Variants in NR3C1 observed in about 807,000 individuals in gnomAD.
The protein encoded by NR3C1 is nuclear receptor subfamily 3 group C member 1, also known as glucocorticoid receptor.
A neutral mutation model predicts 74.0 loss-of-function variants in NR3C1; 14 were observed. That is an observed-to-expected ratio of 0.19 (90% CI 0.12 to 0.30). The LOEUF is 0.30. NR3C1 is among the 10% of genes least tolerant of loss of function. The probability of loss-of-function intolerance (pLI) is 1.00; values close to 1 mark genes in which losing one functional copy is unlikely to be tolerated. For missense variants in NR3C1, 695 were observed against 909.8 expected (o/e 0.76, Z 3.04); for synonymous variants, 308 against 332.5 (o/e 0.93, Z 0.80).
At chr5:143,359,131 T>C (rs886401500) in intron 2 of NR3C1, among the ~76,000 whole-genome samples, 2 of 152,146 alleles carry the variant, frequency 1.3e-5, no homozygotes, top group African/African-American at 2.4e-5. Flanking sequence ...TTTAAACAGT[T>C]TGAAAGCCAC....
intron 1 of NR3C1, among the ~76,000 whole-genome samples, chr5:143,412,683 GT>G (rs1299448395): frequency 1.3e-5 from 2 of 151,992 alleles, no homozygotes; most frequent in Non-Finnish European, 2.9e-5. Flanking sequence ...CACATTACAG[GT>G]TTTTTTGTTT....
In NR3C1 at chr5:143,400,846, A is replaced by T. The variant is rs1840137040; in HGVS notation, c.-7T>A. On this transcript the variant is annotated 5_prime_UTR_variant, in exon 2 of 9. Transcript: ENST00000394464. The stretch of plus-strand genomic sequence containing the variant: ...ATGATTCTTTGGAGTCCATCAGTGA[A>T]TATCAACTACAAAACAAAAAACAAA... 1.2e-6 allele frequency: 2 copies of T among 1,612,582 alleles called. No homozygotes were observed. The highest frequency in any genetic ancestry group is 4.5e-5 in the East Asian group (2 of 44,888).
At chr5:143,404,477 G>C (rs1272837134), upstream of NR3C1, 60 of 985,004 alleles carry the variant, frequency 6.1e-5, no homozygotes, top group South Asian at 4.7e-5. Flanking sequence ...CACTGGGAGA[G>C]AAGTTGCAAA....
chr5:143,357,636 C>T (rs1831402715), intron 2 of NR3C1, among the ~76,000 whole-genome samples: 1 of 152,162 alleles, frequency 6.6e-6, no homozygotes, highest in Non-Finnish European at 1.5e-5. Flanking sequence ...CCTAGAGCCA[C>T]GTAGATTCCT....
chr5:143,417,765 C>T (rs765222424), intron 1 of NR3C1, among the ~76,000 whole-genome samples: 1 of 152,094 alleles, frequency 6.6e-6, no homozygotes, highest in Non-Finnish European at 1.5e-5. Context: ...GAAGGGAGCA[C>T]CTGTCCAATA....
chr5:143,387,648 A>G (rs1336957333), intron 2 of NR3C1, among the ~76,000 whole-genome samples: 1 of 152,004 alleles, frequency 6.6e-6, no homozygotes, highest in Non-Finnish European at 1.5e-5. Context: ...TATGGCTAAC[A>G]CCTACTTAAC....
At chr5:143,361,826 T>C (rs928004293) in intron 2 of NR3C1, among the ~76,000 whole-genome samples, 1 of 152,192 alleles carries the variant, frequency 6.6e-6, no homozygotes, top group African/African-American at 2.4e-5. Context: ...CTTATGACAA[T>C]TGAGGACCAC....
At chr5:143,422,268 C>A (rs539476452) in intron 1 of NR3C1, among the ~76,000 whole-genome samples, 1 of 152,168 alleles carries the variant, frequency 6.6e-6, no homozygotes, top group Non-Finnish European at 1.5e-5. Flanking sequence ...TGCCTCCCAA[C>A]GATCATCCCA....
chr5:143,314,152 C>T lies in NR3C1; in HGVS notation c.1201G>A (p.Asp401Asn). 1 of 1,613,682 alleles carries T rather than the reference C, an allele frequency of 6.2e-7. No homozygotes were observed. The highest frequency in any genetic ancestry group is 1.1e-5 in the South Asian group (1 of 91,046). ...NGYSSPSMRP[D>N]VSSPPSSSST... ...GAGCTGGATGGAGGAGAGCTTACAT[C>T]TGGTCTCATGCTGGGGCTAAAGAAG... Residue 401 changes from aspartate (D) to asparagine (N), a missense_variant, in exon 3 of 9, where the codon GAT (aspartate) becomes AAT (asparagine). By Grantham distance (23) the Asp-to-Asn change is conservative. Transcript: ENST00000394464.
At chr5:143,425,982 C>G (rs1396306434) in intron 1 of NR3C1, among the ~76,000 whole-genome samples, 1 of 152,144 alleles carries the variant, frequency 6.6e-6, no homozygotes, top group Non-Finnish European at 1.5e-5. Context: ...GTGATCAGCT[C>G]ATGAGTGGAT....
rs748758160 is a variant in NR3C1 at position 143,434,531 on chromosome 5, C to T, written c.-14+1G>A. The T allele has an allele frequency of 1.0e-6, 1 of 985,292 alleles. No individual in the cohort carries two copies. Among genetic ancestry groups the T allele is most frequent in the Non-Finnish European group, 1.2e-6 (1 of 829,806 alleles). The allele number at this position is 985,292 out of a possible 1,614,324, so 61.0% of individuals were successfully genotyped here. A position where few individuals can be genotyped will look rare whatever the true frequency, so the allele number is the denominator to read the frequency against. On this transcript the variant is annotated splice_donor_variant, in intron 1 of 8. Transcript: ENST00000343796. LOFTEE classifies it low-confidence loss of function (5UTR_SPLICE). Reference sequence around the variant, plus strand: ...AGAATGGGAATAAAAATATAACCTACCTTCCTTCTCAGACACTTTAATGAA... The same window carrying T: ...AGAATGGGAATAAAAATATAACCTATCTTCCTTCTCAGACACTTTAATGAA...
chr5:143,281,613 T>G lies in NR3C1; in HGVS notation c.*276A>C. On this transcript the variant is annotated 3_prime_UTR_variant, in exon 9 of 9. Transcript: ENST00000394464. ...TGCCATCCTTCTTTGACTGTGGAGA[T>G]TACGTCCACATATTAAGGTTTCTAA... is the stretch of plus-strand genomic sequence containing the variant. The G allele has an allele frequency of 2.7e-6, 1 of 375,742 alleles. No homozygotes were observed. The allele number at this position is 375,742 out of a possible 1,614,324, so 23.3% of individuals were successfully genotyped here. A position where few individuals can be genotyped will look rare whatever the true frequency, so the allele number is the denominator to read the frequency against.
intron 6 of NR3C1, among the ~76,000 whole-genome samples, chr5:143,296,145 A>G (rs530798649): frequency 2.0e-5 from 3 of 152,326 alleles, no homozygotes; most frequent in Non-Finnish European, 2.9e-5. Flanking sequence ...TACTAAACCA[A>G]TTCTTGCTTA....
intron 7 of NR3C1, among the ~76,000 whole-genome samples, chr5:143,284,075 CTTA>C (rs977400430): frequency 2.0e-5 from 3 of 152,104 alleles, no homozygotes; most frequent in Non-Finnish European, 2.9e-5. Context: ...TTCTAGAAGT[CTTA>C]TTATTATTAT....
At position 143,314,139 on chromosome 5, in the gene NR3C1, G is replaced by A; in HGVS notation, c.1214C>T (p.Pro405Leu). Residue 405 changes from proline to leucine, a missense_variant, in exon 3 of 9, where the codon CCT (proline) becomes CTT (leucine). Around this residue, in one of 4 missense-constraint regions of NR3C1, gnomAD observed 497 missense variants for 489.5 expected, o/e 1.02. Transcript: ENST00000394464. ...TGTTGCTGTTGAGGAGCTGGATGGA[G>A]GAGAGCTTACATCTGGTCTCATGCT... is the stretch of plus-strand genomic sequence containing the variant. ...SPSMRPDVSS[P>L]PSSSSTATTG... 6.2e-7 allele frequency: 1 copy of A among 1,613,770 alleles called. No homozygotes were observed. Among genetic ancestry groups the A allele is most frequent in the Non-Finnish European group, 8.5e-7 (1 of 1,179,772 alleles).
At chr5:143,312,918 G>C (rs1821275357) in intron 3 of NR3C1, among the ~76,000 whole-genome samples, 1 of 152,154 alleles carries the variant, frequency 6.6e-6, no homozygotes. Flanking sequence ...CTAATCAATA[G>C]GTGGGACTAC....
chr5:143,404,903 T>C (rs1407671979), upstream of NR3C1, among the ~76,000 whole-genome samples: 1 of 152,168 alleles, frequency 6.6e-6, no homozygotes, highest in Non-Finnish European at 1.5e-5. Flanking sequence ...ATCACGTTCA[T>C]AGGACCCCTG....
chr5:143,374,352 C>T (rs368721705), intron 2 of NR3C1, among the ~76,000 whole-genome samples: 27 of 152,102 alleles, frequency 1.8e-4, no homozygotes, highest in African/African-American at 4.3e-4. Flanking sequence ...ATTAGCCGGG[C>T]GCGGTGGCAG....
chr5:143,341,564 CAAG>C (rs1828228977), intron 2 of NR3C1, among the ~76,000 whole-genome samples: 1 of 152,200 alleles, frequency 6.6e-6, no homozygotes, highest in African/African-American at 2.4e-5. Flanking sequence ...CTTTCAAACA[CAAG>C]AAGAGAAGTC....
Sources: gnomAD v4.1 joint callset for allele counts (sites outside exome capture counted in the v4.1 genomes callset) on GRCh38, gnomAD v4.1.1 for gene constraint, gnomAD v4.1.1 regional missense constraint, MANE v1.5 for transcripts, NCBI Gene and HGNC (gene_info 2026-07-23, HGNC 2026-07-21) for gene names.